The following UTS2 variants were observed in gnomAD, a reference collection of about 807,000 sequenced individuals.
The protein encoded by UTS2 is urotensin 2.
A neutral mutation model predicts 12.6 loss-of-function variants in UTS2; 10 were observed. The ratio of observed to expected loss-of-function variants is 0.80; its 90% CI spans 0.49 to 1.35. UTS2 has a LOEUF of 1.35. UTS2 is among the 40% of genes most tolerant of loss of function. The pLI, the probability that UTS2 is intolerant of heterozygous loss-of-function variation, is 0.00. For synonymous variants in UTS2, 52 were observed against 50.0 expected (o/e 1.04, Z -0.17); for missense variants, 142 against 143.2 (o/e 0.99, Z 0.04).
the UTS2 span, among the ~76,000 whole-genome samples, chr1:7,886,715 A>C: frequency 6.6e-6 from 1 of 152,122 alleles, no homozygotes; most frequent in Non-Finnish European, 1.5e-5. Context: ...ATTACACAGC[A>C]ACTCTCCGAC....
At chr1:7,904,263 T>TA in the UTS2 span, among the ~76,000 whole-genome samples, 2 of 151,208 alleles carry the variant, frequency 1.3e-5, no homozygotes, top group African/African-American at 4.9e-5. Context: ...CCCAAGAGTT[T>TA]GAGTCCAGCC....
At chr1:7,912,590 A>G in the UTS2 span, among the ~76,000 whole-genome samples, 1 of 152,120 alleles carries the variant, frequency 6.6e-6, no homozygotes. Context: ...AGTAGTTGGG[A>G]CTACAGGTGT....
chr1:7,910,910 T>A, the UTS2 span, among the ~76,000 whole-genome samples: 12 of 152,060 alleles, frequency 7.9e-5, no homozygotes, highest in South Asian at 2.1e-4. Context: ...CTAATTTTTT[T>A]AAATTATATT....
At chr1:7,855,310 G>A (rs185287746), upstream of UTS2, among the ~76,000 whole-genome samples, 47 of 152,006 alleles carry the variant, frequency 3.1e-4, no homozygotes, top group East Asian at 2.5e-3. Context: ...CGAGCAAGGC[G>A]CGGTGGCTCA....
At chr1:7,854,355 AAAGAG>A (rs199998796), upstream of UTS2, among the ~76,000 whole-genome samples, 20,739 of 143,860 alleles carry the variant, frequency 0.14, 1,794 homozygotes, top group Middle Eastern at 0.23. Flanking sequence ...AAAAAAAAAA[AAAGAG>A]AAGGAGAAAC....
the UTS2 span, among the ~76,000 whole-genome samples, chr1:7,901,644 A>G: frequency 1.4e-5 from 2 of 146,930 alleles, no homozygotes; most frequent in Admixed American, 1.4e-4. Context: ...ATATATATTT[A>G]TATTCTCATT....
the UTS2 span, among the ~76,000 whole-genome samples, chr1:7,885,024 C>A: frequency 6.6e-6 from 1 of 150,824 alleles, no homozygotes; most frequent in Admixed American, 6.6e-5. Context: ...ATCCATCCAC[C>A]CACCCACCCA....
At chr1:7,911,966 T>G in the UTS2 span, among the ~76,000 whole-genome samples, 2 of 151,700 alleles carry the variant, frequency 1.3e-5, no homozygotes, top group Admixed American at 6.6e-5. Flanking sequence ...ATACCTTAAA[T>G]AAACAACAGT....
chr1:7,860,874 C>T, the UTS2 span, among the ~76,000 whole-genome samples: 3 of 151,882 alleles, frequency 2.0e-5, no homozygotes, highest in Non-Finnish European at 4.4e-5. Flanking sequence ...GAAACCCTGT[C>T]TGACTAAAAA....
the UTS2 span, among the ~76,000 whole-genome samples, chr1:7,892,366 C>T: frequency 3.3e-3 from 502 of 151,960 alleles, 3 homozygotes; most frequent in Non-Finnish European, 4.1e-3. Context: ...TTCTAGGGGC[C>T]GCCTGCATTC....
chr1:7,890,967 A>ACAC, the UTS2 span, among the ~76,000 whole-genome samples: 1 of 135,784 alleles, frequency 7.4e-6, no homozygotes. Context: ...GATACCCTCC[A>ACAC]CCCCCCCCCA....
the UTS2 span, among the ~76,000 whole-genome samples, chr1:7,885,921 GTGGA>G: frequency 1.6e-4 from 8 of 50,686 alleles, no homozygotes; most frequent in African/African-American, 4.6e-4. Flanking sequence ...GGGGGGGCGG[GTGGA>G]GGTGGAGGTC....
chr1:7,889,459 AAAAAG>A, the UTS2 span, among the ~76,000 whole-genome samples: 3 of 147,098 alleles, frequency 2.0e-5, no homozygotes, highest in South Asian at 2.1e-4. Flanking sequence ...AAAAAAAAAA[AAAAAG>A]AAAAGAAAAG....
chr1:7,851,319 AAAAG>A (rs147536333), intron 1 of UTS2, among the ~76,000 whole-genome samples: 44,871 of 151,894 alleles, frequency 0.3, 7,043 homozygotes, highest in Non-Finnish European at 0.31. Context: ...TTGGAGAGGA[AAAAG>A]AAAGATCGTT....
the UTS2 span, among the ~76,000 whole-genome samples, chr1:7,865,742 G>A: frequency 2.6e-5 from 4 of 152,144 alleles, no homozygotes; most frequent in Non-Finnish European, 5.9e-5. Flanking sequence ...AGACCAGCCC[G>A]AGCAACACAG....
chr1:7,866,155 G>A, the UTS2 span, among the ~76,000 whole-genome samples: 88 of 152,264 alleles, frequency 5.8e-4, no homozygotes, highest in South Asian at 2.7e-3. The surrounding 1 kb of genome is among the most constrained non-coding windows in gnomAD (Gnocchi z 4.5). Flanking sequence ...CTTGCCTGTG[G>A]GTGAGCAGTT....
the UTS2 span, among the ~76,000 whole-genome samples, chr1:7,862,289 TCTC>T: frequency 1.3e-5 from 2 of 151,958 alleles, no homozygotes; most frequent in Non-Finnish European, 2.9e-5. Context: ...CCAGGCCTCT[TCTC>T]CTGCAGTTCC....
chr1:7,912,801 G>A, the UTS2 span, among the ~76,000 whole-genome samples: 1 of 151,816 alleles, frequency 6.6e-6, no homozygotes, highest in Non-Finnish European at 1.5e-5. Flanking sequence ...TCCATCCCAG[G>A]ACTTCTCACT....
At chr1:7,891,936 G>T in the UTS2 span, among the ~76,000 whole-genome samples, 1 of 152,172 alleles carries the variant, frequency 6.6e-6, no homozygotes, top group South Asian at 2.1e-4. Context: ...GGTCCTGGGG[G>T]ATGGCTCTGC....
Sources: allele counts gnomAD v4.1 joint callset (sites outside exome capture counted in the v4.1 genomes callset), GRCh38; gene constraint gnomAD v4.1.1; non-coding constraint Gnocchi (gnomAD v3.1); transcripts MANE v1.5; gene names NCBI Gene and HGNC (gene_info 2026-07-23, HGNC 2026-07-21).